The following PKHD1 variants were observed in gnomAD, a reference collection of about 807,000 sequenced individuals.
PKHD1 encodes the protein fibrocystin.
PKHD1 carries 291 observed loss-of-function variants against 412.0 expected under a neutral mutation model. The ratio of observed to expected loss-of-function variants is 0.71; its 90% CI spans 0.64 to 0.78. The LOEUF (loss-of-function observed/expected upper bound fraction) is 0.78, where lower values mean the gene tolerates loss of function less well. PKHD1 is among the 30% of genes least tolerant of loss of function. The pLI is 0.00. For synonymous variants in PKHD1, 1,777 were observed against 1,821.5 expected, an observed-to-expected ratio of 0.98 and a Z score of 0.62; for missense variants, 4,825 against 4,950.7, an observed-to-expected ratio of 0.97 and a Z score of 0.76.
intron 52 of PKHD1, among the ~76,000 whole-genome samples, chr6:51,801,541 T>C (rs1582774203): frequency 6.6e-6 from 1 of 151,712 alleles, no homozygotes; most frequent in African/African-American, 2.4e-5. Flanking sequence ...GTCTTAAAAA[T>C]AGGCAGAAGA....
chr6:52,024,623 G>C lies in PKHD1; in HGVS notation c.5187C>G (p.Ala1729=), dbSNP rs1801863836. Residue 1729 remains alanine, a synonymous_variant, in exon 32 of 67, where the codon GCC becomes GCG. Coordinates refer to ENST00000371117, the MANE Select transcript of PKHD1 (RefSeq NM_138694.4). ...TAATAACTCTTGAGGTGAACACCAG[G>C]GCAGATGAGGCCCACCCTCTGATGC... ...YDCIRGWASS[A]LVFTSRVIIT... is the part of the protein sequence containing the mutation. 6.2e-7 allele frequency: 1 copy of C among 1,614,154 alleles called. No homozygotes were observed. Among genetic ancestry groups the C allele is most frequent in the Non-Finnish European group, 8.5e-7 (1 of 1,180,012 alleles).
intron 22 of PKHD1, among the ~76,000 whole-genome samples, chr6:52,048,974 G>A (rs1238288566): frequency 6.6e-6 from 1 of 152,196 alleles, no homozygotes; most frequent in Non-Finnish European, 1.5e-5. Flanking sequence ...GGAAAGTAAA[G>A]CACGGGTTCA....
At chr6:51,702,434 AG>A (rs1403281979) in intron 60 of PKHD1, among the ~76,000 whole-genome samples, 1 of 151,680 alleles carries the variant, frequency 6.6e-6, no homozygotes, top group Non-Finnish European at 1.5e-5. Flanking sequence ...TCAGGGGAAA[AG>A]ATAGGAGGCA....
intron 60 of PKHD1, among the ~76,000 whole-genome samples, chr6:51,693,031 T>C (rs1582119168): frequency 6.6e-6 from 1 of 152,206 alleles, no homozygotes. Context: ...TGTATTGTTG[T>C]TTTTTGCTGT....
At chr6:51,970,546 T>C (rs1793513527) in intron 35 of PKHD1, among the ~76,000 whole-genome samples, 1 of 152,198 alleles carries the variant, frequency 6.6e-6, no homozygotes, top group South Asian at 2.1e-4. Flanking sequence ...CCAAAAAAGT[T>C]TTTCCTAGGT....
chr6:51,781,970 A>G (rs1275683696), intron 53 of PKHD1, among the ~76,000 whole-genome samples: 1 of 151,904 alleles, frequency 6.6e-6, no homozygotes. Flanking sequence ...ACTAAAAAAA[A>G]AAATCATTCA....
At position 51,839,696 on chromosome 6, in the gene PKHD1, A is replaced by G. The variant is rs892408316; in HGVS notation, c.8108-3227T>C. Among the ~76,000 whole-genome samples, 4 of 152,190 alleles carry G rather than the reference A, an allele frequency of 2.6e-5. No homozygotes were observed. The East Asian group carries it at 7.7e-4, about 29-fold the overall frequency. Reference sequence around the variant, plus strand: ...TCTTGAAATTTTAGAGGGAGAAATAAGCACCCATTTATTTAAAAATAAAAA... The same window carrying G: ...TCTTGAAATTTTAGAGGGAGAAATAGGCACCCATTTATTTAAAAATAAAAA... On this transcript the variant is annotated intron_variant, in intron 50 of 66. Transcript: ENST00000371117.
At chr6:51,691,844 A>G (rs2150633657) in intron 60 of PKHD1, among the ~76,000 whole-genome samples, 1 of 152,324 alleles carries the variant, frequency 6.6e-6, no homozygotes, top group East Asian at 1.9e-4. Flanking sequence ...GTAAATTATC[A>G]TTGATGTGCC....
chr6:51,806,071 G>A (rs1223092515), intron 52 of PKHD1, among the ~76,000 whole-genome samples: 1 of 150,826 alleles, frequency 6.6e-6, no homozygotes, highest in African/African-American at 2.4e-5. Context: ...CCACACTGAT[G>A]GGAGGGGGGA....
intron 52 of PKHD1, among the ~76,000 whole-genome samples, chr6:51,821,815 T>G (rs1308376369): frequency 6.6e-6 from 1 of 152,146 alleles, no homozygotes; most frequent in Non-Finnish European, 1.5e-5. Flanking sequence ...GCCTCCCAAG[T>G]AGCTGGGATT....
chr6:51,631,203 A>T (rs1193532575), intron 65 of PKHD1, among the ~76,000 whole-genome samples: 1 of 152,220 alleles, frequency 6.6e-6, no homozygotes, highest in Non-Finnish European at 1.5e-5. Flanking sequence ...ATAAAAATTT[A>T]TGAAAATTCT....
intron 15 of PKHD1, among the ~76,000 whole-genome samples, chr6:52,058,888 T>C (rs1204846665): frequency 1.3e-5 from 2 of 152,174 alleles, no homozygotes; most frequent in Non-Finnish European, 2.9e-5. Flanking sequence ...ACCCTAGGAT[T>C]ACATGACACT....
chr6:51,873,035 T>C (rs569707174), intron 46 of PKHD1, among the ~76,000 whole-genome samples: 6 of 152,228 alleles, frequency 3.9e-5, no homozygotes, highest in East Asian at 1.9e-4. Flanking sequence ...TCAAGGGAGA[T>C]TCTAAGATGG....
At chr6:51,736,784 C>T (rs971168728) in intron 60 of PKHD1, among the ~76,000 whole-genome samples, 2 of 152,102 alleles carry the variant, frequency 1.3e-5, no homozygotes, top group African/African-American at 4.8e-5. Flanking sequence ...TCCAATCTCC[C>T]ATTTTATAAT....
At chr6:51,780,539 A>G (rs1469060555) in intron 53 of PKHD1, among the ~76,000 whole-genome samples, 1 of 152,130 alleles carries the variant, frequency 6.6e-6, no homozygotes, top group Non-Finnish European at 1.5e-5. Flanking sequence ...AAAAAGAGTA[A>G]GAGAACAGCT....
At chr6:51,757,584 C>G (rs1787229668) in intron 55 of PKHD1, among the ~76,000 whole-genome samples, 1 of 152,058 alleles carries the variant, frequency 6.6e-6, no homozygotes, top group African/African-American at 2.4e-5. Context: ...CAAAGCCTCC[C>G]CACTTTCTGT....
intron 60 of PKHD1, among the ~76,000 whole-genome samples, chr6:51,732,614 A>G (rs2150897928): frequency 6.6e-6 from 1 of 152,334 alleles, no homozygotes; most frequent in South Asian, 2.1e-4. Flanking sequence ...ACACCCATTA[A>G]AATGGTTACT....
intron 48 of PKHD1, among the ~76,000 whole-genome samples, chr6:51,864,557 T>C (rs1774729481): frequency 6.6e-6 from 1 of 152,128 alleles, no homozygotes; most frequent in African/African-American, 2.4e-5. Flanking sequence ...GATGACTCCA[T>C]GTTTCAGGTT....
chr6:52,022,803 T>C lies in PKHD1; in HGVS notation c.5378A>G (p.Asp1793Gly). 6.2e-7 allele frequency: 1 copy of C among 1,614,032 alleles called. No homozygotes were observed. The highest frequency in any genetic ancestry group is 8.5e-7 in the Non-Finnish European group (1 of 1,179,964). The change falls in exon 33 of 67, where the codon GAT becomes GGT. Residue 1793 changes from aspartate to glycine, a missense_variant and splice_region_variant. Asp to Gly is a moderately conservative substitution (Grantham distance 94). Transcript: ENST00000371117. ...SAFSCLVLPL[D>G]VSLAFLCGLK... ...ATGTGTGTGGCATCTTTACTCACCA[T>C]CCAGGGGCAGAACCAAGCAGCTGAA... is the stretch of plus-strand genomic sequence containing the variant.
Sources: allele counts gnomAD v4.1 joint callset (sites outside exome capture counted in the v4.1 genomes callset), GRCh38; gene constraint gnomAD v4.1.1; transcripts MANE v1.5; gene names NCBI Gene and HGNC (gene_info 2026-07-23, HGNC 2026-07-21).